The following RGS22 variants were observed in gnomAD, a reference collection of about 807,000 sequenced individuals.
RGS22 encodes regulator of G-protein signaling 22.
Under a neutral mutation model 172.9 loss-of-function variants are expected in RGS22, and 148 were observed. The ratio of observed to expected loss-of-function variants is 0.86; its 90% confidence interval spans 0.75 to 0.98. The LOEUF (loss-of-function observed/expected upper bound fraction) is 0.98. RGS22 is among the 50% of genes least tolerant of loss of function. The probability of loss-of-function intolerance (pLI) is 0.00; values close to 1 mark genes in which losing one functional copy is unlikely to be tolerated. For missense variants in RGS22, 1,347 were observed against 1,440.8 expected (o/e 0.93, Z 1.05); for synonymous variants, 458 against 480.2 (o/e 0.95, Z 0.60).
rs1812188194 is a variant in RGS22, at chr8:99,978,147, C to T, written c.3361-72G>A. The T allele has an allele frequency of 6.1e-6, 5 of 826,104 alleles. No homozygotes were observed. The South Asian group carries it at 1.2e-4, about 19-fold the overall frequency. The allele number at this position is 826,104 out of a possible 1,614,324, so 51.2% of individuals were successfully genotyped here. On this transcript the variant is annotated intron_variant, in intron 22 of 27. Transcript: ENST00000360863. ...ATTTAAACTCTATTCACCATAATAA[C>T]AGATTAACTATTATATCTTTAATAT...
intron 2 of RGS22, among the ~76,000 whole-genome samples, chr8:100,099,217 A>G (rs1242208085): frequency 6.6e-6 from 1 of 151,796 alleles, no homozygotes; most frequent in African/African-American, 2.4e-5. Flanking sequence ...CCTGGCCCAG[A>G]CTCCCTTTTA....
At chr8:99,966,109 A>G (rs1229055986) in intron 23 of RGS22, among the ~76,000 whole-genome samples, 2 of 152,238 alleles carry the variant, frequency 1.3e-5, no homozygotes, top group Non-Finnish European at 2.9e-5. Context: ...TAGAAAAAGG[A>G]TGTATCATAG....
intron 14 of RGS22, among the ~76,000 whole-genome samples, chr8:100,032,272 T>C (rs1191964388): frequency 6.6e-6 from 1 of 151,982 alleles, no homozygotes; most frequent in African/African-American, 2.4e-5. Context: ...AGGAGACCCA[T>C]CTCACGTGCA....
intron 12 of RGS22, among the ~76,000 whole-genome samples, chr8:100,041,308 G>A (rs1820082376): frequency 6.6e-6 from 1 of 152,082 alleles, no homozygotes; most frequent in Non-Finnish European, 1.5e-5. Context: ...GGGCAACATG[G>A]TGAAACCCCA....
rs1012615756 is a variant in RGS22 at position 100,004,205 on chromosome 8, T to C, written c.2455-107A>G. ...AATCAACCATTAGGCCAAAGCCATT[T>C]AATAATTCAATGGCAGAGTGGGTAA... On this transcript the variant is annotated intron_variant, in intron 16 of 27. Transcript: ENST00000360863. The C allele has an allele frequency of 6.0e-6, 8 of 1,337,932 alleles. No homozygotes were observed. In the African/African-American group the frequency reaches 1.2e-4, roughly 20 times the overall value. The allele number at this position is 1,337,932 out of a possible 1,614,324, so 82.9% of individuals were successfully genotyped here. A position where few individuals can be genotyped will look rare whatever the true frequency, so the allele number is the denominator to read the frequency against.
rs1819946881 is a variant in RGS22 at position 100,040,101 on chromosome 8, C to A, written c.1939-14G>T. On this transcript the variant is annotated splice_polypyrimidine_tract_variant and intron_variant, in intron 12 of 27. Transcript: ENST00000360863. Reference sequence around the variant, plus strand: ...CACGGTTTTAACCTAGATAACAAAACAGAAGTCTATTATCCACCCAAAAAC... The same window carrying A: ...CACGGTTTTAACCTAGATAACAAAAAAGAAGTCTATTATCCACCCAAAAAC... 4.4e-6 allele frequency: 7 copies of A among 1,602,400 alleles called. No individual in the cohort carries two copies. The East Asian group carries it at 1.6e-4, about 36-fold the overall frequency.
intron 22 of RGS22, among the ~76,000 whole-genome samples, chr8:99,981,309 G>A (rs369869540): frequency 6.6e-6 from 1 of 152,254 alleles, no homozygotes; most frequent in East Asian, 1.9e-4. Flanking sequence ...TGTTGGTAGA[G>A]TTCTTAAATC....
chr8:100,008,041 T>A (rs183823602), intron 15 of RGS22, among the ~76,000 whole-genome samples: 1 of 151,554 alleles, frequency 6.6e-6, no homozygotes, highest in African/African-American at 2.4e-5. Context: ...TTTTATTTTT[T>A]AATTTTTTTT....
intron 20 of RGS22, among the ~76,000 whole-genome samples, chr8:99,993,756 C>T (rs1814026427): frequency 6.6e-6 from 1 of 152,170 alleles, no homozygotes; most frequent in Admixed American, 6.5e-5. Flanking sequence ...TCCTTCCTAA[C>T]TCGTTTTATG....
intron 20 of RGS22, among the ~76,000 whole-genome samples, chr8:99,995,447 G>C (rs1189598204): frequency 6.6e-6 from 1 of 152,178 alleles, no homozygotes; most frequent in Non-Finnish European, 1.5e-5. Context: ...CAAAAAGTGG[G>C]CGAAGGATAT....
rs555830584 is a variant in RGS22, at chr8:100,079,184, A to T, written c.339+950T>A. Among the ~76,000 whole-genome samples, 41 of 152,342 alleles carry T rather than the reference A, an allele frequency of 2.7e-4. No homozygotes were observed. The South Asian group carries it at 8.5e-3, about 32-fold the overall frequency. On this transcript the variant is annotated intron_variant, in intron 4 of 27. Transcript: ENST00000360863. ...GAAGGAAGTGAATAAAACAATAAACATTGTCCCACCTAGTAAAAAATTTTT... is the reference window on the plus strand; with the variant it reads ...GAAGGAAGTGAATAAAACAATAAACTTTGTCCCACCTAGTAAAAAATTTTT...
chr8:100,056,842 C>CCCCCACAGAGT (rs1368013143), intron 9 of RGS22, among the ~76,000 whole-genome samples: 2 of 152,310 alleles, frequency 1.3e-5, no homozygotes, highest in African/African-American at 4.8e-5. Flanking sequence ...GGTGTTGGAG[C>CCCCCACAGAGT]CCCCACAGAG....
chr8:99,976,594 T>C (rs999398584), intron 23 of RGS22, among the ~76,000 whole-genome samples: 21 of 152,170 alleles, frequency 1.4e-4, no homozygotes, highest in South Asian at 4.1e-4. Flanking sequence ...ATTTCCTGAC[T>C]TTGTGATCCG....
Position 100,087,247 on chromosome 8 carries a change from T to C in RGS22, c.117+6200A>G, listed in dbSNP as rs563937217. The stretch of plus-strand genomic sequence containing the variant: ...TTAGAGAATGCTCAACCTTAAATCA[T>C]ATAACAGGAAAAACCTTCAGTTTGA... On this transcript the variant is annotated intron_variant, in intron 3 of 27. Coordinates refer to ENST00000360863, the MANE Select transcript of RGS22 (RefSeq NM_015668.5). Among the ~76,000 whole-genome samples the C allele has an allele frequency of 1.2e-4, 19 of 152,278 alleles. 1 individual carries two copies. The South Asian group carries it at 3.5e-3, about 28-fold the overall frequency.
intron 15 of RGS22, among the ~76,000 whole-genome samples, chr8:100,007,241 C>T (rs1815828229): frequency 6.6e-6 from 1 of 152,172 alleles, no homozygotes; most frequent in South Asian, 2.1e-4. Flanking sequence ...CAAAGAATAA[C>T]AATGCAAAGG....
rs778261720 is a variant in RGS22, at chr8:100,039,052, A to G, written c.2065-20T>C. On this transcript the variant is annotated intron_variant, in intron 13 of 27. Transcript: ENST00000360863. Reference sequence around the variant, plus strand: ...CCACAACTACAGATGGAAAAAGTACATAAATTATTACCACCCAATTATTAA... The same window carrying G: ...CCACAACTACAGATGGAAAAAGTACGTAAATTATTACCACCCAATTATTAA... 3 of 1,384,848 alleles carry G rather than the reference A, an allele frequency of 2.2e-6. No individual in the cohort carries two copies. Among genetic ancestry groups the G allele is most frequent in the Admixed American group, 1.8e-5 (1 of 54,778 alleles). 85.8% of individuals were successfully genotyped at this position (1,384,848 alleles called of 1,614,324 possible). A position where few individuals can be genotyped will look rare whatever the true frequency, so the allele number is the denominator to read the frequency against.
intron 20 of RGS22, among the ~76,000 whole-genome samples, chr8:99,992,284 A>T (rs1406789818): frequency 6.6e-6 from 1 of 152,230 alleles, no homozygotes; most frequent in Non-Finnish European, 1.5e-5. Flanking sequence ...CTTAAATGTA[A>T]ACAGGCTAAA....
intron 21 of RGS22, among the ~76,000 whole-genome samples, chr8:99,983,175 T>C (rs534638888): frequency 1.1e-4 from 16 of 152,350 alleles, no homozygotes; most frequent in African/African-American, 3.6e-4. Context: ...ACGGTGTATA[T>C]GTACCACATT....
At chr8:100,019,466 A>G (rs1200961647) in intron 14 of RGS22, among the ~76,000 whole-genome samples, 1 of 152,242 alleles carries the variant, frequency 6.6e-6, no homozygotes, top group Non-Finnish European at 1.5e-5. Context: ...GACTGGAAGT[A>G]AGAAAGTGAA....
Sources: gnomAD v4.1 joint callset for allele counts (sites outside exome capture counted in the v4.1 genomes callset) on GRCh38, gnomAD v4.1.1 for gene constraint, MANE v1.5 for transcripts, NCBI Gene and HGNC (gene_info 2026-07-23, HGNC 2026-07-21) for gene names.